PCDHA6: variants seen among roughly 807,000 people sequenced by gnomAD.
PCDHA6 encodes the protein protocadherin alpha-6.
Under a neutral mutation model 60.3 loss-of-function variants are expected in PCDHA6, and 55 were observed. That is an observed-to-expected ratio of 0.91 (90% CI 0.73 to 1.14). PCDHA6 has a LOEUF of 1.14. PCDHA6 is among the 50% of genes most tolerant of loss of function. The probability of loss-of-function intolerance (pLI) is 0.00; values close to 1 mark genes in which losing one functional copy is unlikely to be tolerated. For synonymous variants in PCDHA6, 652 were observed against 557.9 expected (o/e 1.17, Z -2.38); for missense variants, 1,327 against 1,256.5 (o/e 1.06, Z -0.85).
rs370812126 is a variant in PCDHA6, at chr5:140,869,802, G to A, written c.2394+39317G>A. On this transcript the variant is annotated intron_variant, in intron 1 of 3. Coordinates refer to ENST00000529310, the MANE Select transcript of PCDHA6 (RefSeq NM_018909.4). ...CCGTTCGGCTGTTAGTCCAAGTCTT[G>A]GATGTCAACGACAATGATCCAGAGT... 12 of 1,612,438 alleles carry A rather than the reference G, an allele frequency of 7.4e-6. No homozygotes were observed. The African/African-American group carries it at 1.3e-4, about 18-fold the overall frequency.
chr5:140,853,924 T>G, intron 1 of PCDHA6: 1 of 905,060 alleles, frequency 1.1e-6, no homozygotes, highest in Non-Finnish European at 1.3e-6. Flanking sequence ...ATCCCAACAT[T>G]TTGGGAGGCC....
At chr5:140,976,724 T>C (rs372662527) in intron 1 of PCDHA6, among the ~76,000 whole-genome samples, 6 of 152,202 alleles carry the variant, frequency 3.9e-5, no homozygotes, top group African/African-American at 1.4e-4. Flanking sequence ...AGTTCATTTA[T>C]TTAAACACAT....
At chr5:140,942,876 T>C (rs2093384814) in intron 1 of PCDHA6, among the ~76,000 whole-genome samples, 1 of 152,052 alleles carries the variant, frequency 6.6e-6, no homozygotes, top group Non-Finnish European at 1.5e-5. Context: ...GCATGACAAC[T>C]TTTTTCCTAA....
In PCDHA6 at chr5:140,851,081, A is replaced by C. The variant is rs1259623632; in HGVS notation, c.2394+20596A>C. 1.0e-5 allele frequency: 13 copies of C among 1,303,686 alleles called. No individual in the cohort carries two copies. In the East Asian group the frequency reaches 3.5e-4, roughly 35 times the overall value. 80.8% of individuals were successfully genotyped at this position (1,303,686 alleles called of 1,614,324 possible). Reference sequence around the variant, plus strand: ...ACTTCTAGTGAGAATTATAAACTGTATATTAAATAGATATTTTTTGGGTGC... The same window carrying C: ...ACTTCTAGTGAGAATTATAAACTGTCTATTAAATAGATATTTTTTGGGTGC... On this transcript the variant is annotated intron_variant, in intron 1 of 3. Transcript: ENST00000529310.
At chr5:140,870,686 A>G (rs2052295402) in intron 1 of PCDHA6, 2 of 1,612,732 alleles carry the variant, frequency 1.2e-6, no homozygotes, top group African/African-American at 2.7e-5. Flanking sequence ...GAGGAGCTGG[A>G]GCTGCTACAG....
At chr5:140,838,543 T>C (rs1421001840) in intron 1 of PCDHA6, among the ~76,000 whole-genome samples, 2 of 152,028 alleles carry the variant, frequency 1.3e-5, no homozygotes, top group Non-Finnish European at 2.9e-5. Flanking sequence ...GGATATATCA[T>C]GATTTATTCA....
chr5:141,009,132 G>GA (rs1172401436), intron 3 of PCDHA6, among the ~76,000 whole-genome samples: 11 of 152,202 alleles, frequency 7.2e-5, no homozygotes, highest in African/African-American at 2.4e-4. Flanking sequence ...GTATCCTGGT[G>GA]AAAAAACCTG....
At chr5:140,883,876 C>A in intron 1 of PCDHA6, 1 of 1,613,214 alleles carries the variant, frequency 6.2e-7, no homozygotes, top group Non-Finnish European at 8.5e-7. Flanking sequence ...TCCAGGTGAG[C>A]GCGCGCGACT....
intron 3 of PCDHA6, among the ~76,000 whole-genome samples, chr5:141,005,659 G>T (rs963015988): frequency 1.6e-5 from 2 of 123,890 alleles, no homozygotes; most frequent in South Asian, 2.6e-4. Flanking sequence ...TCGAGATCGC[G>T]CCACTGCACT....
intron 1 of PCDHA6, chr5:140,851,624 A>G (rs1224878154): frequency 1.1e-6 from 1 of 920,370 alleles, no homozygotes; most frequent in Non-Finnish European, 1.3e-6. Context: ...AATGCTTTTT[A>G]AACAAGTGTT....
chr5:140,926,929 G>T, intron 1 of PCDHA6: 2 of 1,575,722 alleles, frequency 1.3e-6, no homozygotes, highest in South Asian at 2.3e-5. Flanking sequence ...ATGTTTGTGG[G>T]TTTCCTGCGG....
chr5:140,850,254 G>C, intron 1 of PCDHA6: 1 of 1,593,786 alleles, frequency 6.3e-7, no homozygotes, highest in Non-Finnish European at 8.6e-7. Flanking sequence ...GTCGGTGGGC[G>C]CCGGCGTAGT....
At chr5:140,990,471 A>G (rs892013539) in intron 3 of PCDHA6, among the ~76,000 whole-genome samples, 4 of 152,204 alleles carry the variant, frequency 2.6e-5, no homozygotes, top group Admixed American at 1.3e-4. Context: ...GGTATCATGT[A>G]TCAAGCTGAA....
rs138948867 is a variant in PCDHA6 at position 140,849,674 on chromosome 5, C to T, written c.2394+19189C>T. 1.4e-4 allele frequency: 225 copies of T among 1,598,712 alleles called. 14 individuals carry two copies. The African/African-American group carries it at 2.2e-3, about 16-fold the overall frequency. On this transcript the variant is annotated intron_variant, in intron 1 of 3. Coordinates refer to ENST00000529310, the MANE Select transcript of PCDHA6 (RefSeq NM_018909.4). The stretch of plus-strand genomic sequence containing the variant: ...TTACCTGCTCCCTGACGCCCCACGT[C>T]CCCTTCAAGCTGGTGTCCACCTACA...
intron 1 of PCDHA6, among the ~76,000 whole-genome samples, chr5:140,925,773 A>G (rs2082712352): frequency 6.6e-6 from 1 of 151,966 alleles, no homozygotes; most frequent in African/African-American, 2.4e-5. Context: ...TCCTGGTCAA[A>G]CTCTAATGAG....
intron 1 of PCDHA6, among the ~76,000 whole-genome samples, chr5:140,959,041 T>C (rs1291778863): frequency 2.6e-5 from 4 of 152,118 alleles, no homozygotes; most frequent in Non-Finnish European, 5.9e-5. Flanking sequence ...GGTATGTATG[T>C]ATAGGAAAAA....
At chr5:140,997,688 G>C (rs1232415745) in intron 3 of PCDHA6, among the ~76,000 whole-genome samples, 1 of 151,990 alleles carries the variant, frequency 6.6e-6, no homozygotes, top group Non-Finnish European at 1.5e-5. Context: ...GTGTGTGTGT[G>C]TGTGTGTGTA....
chr5:140,858,809 A>G (rs2045602165), intron 1 of PCDHA6: 1 of 352,582 alleles, frequency 2.8e-6, no homozygotes, highest in African/African-American at 2.2e-5. Flanking sequence ...CTAAATTTTG[A>G]TTTGATTGTA....
chr5:140,962,171 G>T (rs1218733161), intron 1 of PCDHA6, among the ~76,000 whole-genome samples: 1 of 151,902 alleles, frequency 6.6e-6, no homozygotes, highest in Admixed American at 6.6e-5. Flanking sequence ...CACCACACCC[G>T]GCCACTTATA....
Sources: allele counts gnomAD v4.1 joint callset (sites outside exome capture counted in the v4.1 genomes callset), GRCh38; gene constraint gnomAD v4.1.1; transcripts MANE v1.5; gene names NCBI Gene and HGNC (gene_info 2026-07-23, HGNC 2026-07-21).